XIRP2: variants seen among roughly 807,000 people sequenced by gnomAD.
XIRP2 encodes the protein xin actin-binding repeat-containing protein 2.
XIRP2 carries 236 observed loss-of-function variants against 277.0 expected under a neutral mutation model. The ratio of observed to expected loss-of-function variants is 0.85; its 90% CI spans 0.77 to 0.95. The LOEUF (loss-of-function observed/expected upper bound fraction) is 0.95. Among genes scored for constraint, XIRP2 ranks in the 40% least tolerant of loss-of-function variants. The pLI is 0.00. For synonymous variants in XIRP2, 1,490 were observed against 1,416.5 expected (o/e 1.05, Z -1.17); for missense variants, 4,640 against 4,157.5 (o/e 1.12, Z -3.19).
At chr2:167,040,732 G>C (rs902416033) in intron 2 of XIRP2, among the ~76,000 whole-genome samples, 6 of 152,132 alleles carry the variant, frequency 3.9e-5, no homozygotes, top group Non-Finnish European at 8.8e-5. Context: ...CAGGGTCCCT[G>C]TCTGGCTATG....
chr2:167,053,651 C>T (rs961910284), intron 2 of XIRP2, among the ~76,000 whole-genome samples: 3 of 152,026 alleles, frequency 2.0e-5, no homozygotes, highest in African/African-American at 7.2e-5. Context: ...AAAATTCTTC[C>T]TTATTTCATT....
chr2:167,142,504 T>C (rs1400288059), intron 3 of XIRP2, among the ~76,000 whole-genome samples: 1 of 151,674 alleles, frequency 6.6e-6, no homozygotes, highest in East Asian at 1.9e-4. Flanking sequence ...GCTGAGATCA[T>C]GCCACTGCAC....
chr2:167,159,659 T>C (rs569015782), intron 3 of XIRP2, among the ~76,000 whole-genome samples: 7 of 151,932 alleles, frequency 4.6e-5, no homozygotes, highest in Non-Finnish European at 1.0e-4. Flanking sequence ...AACATGCCTG[T>C]ATCTATATTT....
In XIRP2 at chr2:167,251,322, G is replaced by C. The variant is rs1029090767; in HGVS notation, c.9930G>C (p.Gln3310His). 11 of 1,613,414 alleles carry C rather than the reference G, an allele frequency of 6.8e-6. No homozygotes were observed. Among genetic ancestry groups the C allele is most frequent in the African/African-American group, 4.0e-5 (3 of 74,846 alleles). The change falls in exon 9 of 11, where the codon CAG becomes CAC. Residue 3310 changes from glutamine to histidine, a missense_variant. Coordinates refer to ENST00000409195, the MANE Select transcript of XIRP2 (RefSeq NM_152381.6). ...CTCCTCGCCTGTCAGAGCACACACAGAGATATGAAGCGGCCAACCGAACTG... is the reference window on the plus strand; with the variant it reads ...CTCCTCGCCTGTCAGAGCACACACACAGATATGAAGCGGCCAACCGAACTG... ...AVPPRLSEHT[Q>H]RYEAANRTVQ...
Position 167,243,236 on chromosome 2 carries a change from A to C in XIRP2, c.1844A>C (p.Lys615Thr), listed in dbSNP as rs1236509577. ...GAAATCATTGCTGGTGGTGATGTGA[A>C]ATATACCACATGGATGTTTGAAACC... ...DQEIIAGGDV[K>T]YTTWMFETQP... The change falls in exon 9 of 11, where the codon AAA becomes ACA. Residue 615 changes from lysine to threonine, a missense_variant. By Grantham distance (78) the Lys-to-Thr change is moderately conservative (BLOSUM62 -1). Coordinates refer to ENST00000409195, the MANE Select transcript of XIRP2 (RefSeq NM_152381.6). The C allele has an allele frequency of 6.2e-7, 1 of 1,614,046 alleles. No individual in the cohort carries two copies. Among genetic ancestry groups the C allele is most frequent in the Non-Finnish European group, 8.5e-7 (1 of 1,179,964 alleles).
At chr2:166,965,331 T>G (rs1182283119) in intron 2 of XIRP2, among the ~76,000 whole-genome samples, 2 of 151,894 alleles carry the variant, frequency 1.3e-5, no homozygotes, top group Non-Finnish European at 1.5e-5. Context: ...TTTGAATCAG[T>G]CCTTACTTTC....
At chr2:167,133,284 G>T (rs1691439425) in intron 2 of XIRP2, among the ~76,000 whole-genome samples, 1 of 152,160 alleles carries the variant, frequency 6.6e-6, no homozygotes, top group African/African-American at 2.4e-5. Flanking sequence ...TGCTTTGATT[G>T]GAGACAGCTC....
chr2:167,160,330 G>A (rs993227807), intron 3 of XIRP2, among the ~76,000 whole-genome samples: 6 of 152,188 alleles, frequency 3.9e-5, no homozygotes, highest in African/African-American at 9.7e-5. Flanking sequence ...TTCTATGGAT[G>A]TGCATGCACA....
intron 6 of XIRP2, among the ~76,000 whole-genome samples, chr2:167,240,238 C>T (rs1444629033): frequency 6.6e-6 from 1 of 151,826 alleles, no homozygotes; most frequent in Non-Finnish European, 1.5e-5. Context: ...ATAGTGAAAC[C>T]CTGTCTCTAC....
chr2:166,997,283 T>C (rs1026697946), intron 2 of XIRP2, among the ~76,000 whole-genome samples: 6 of 152,244 alleles, frequency 3.9e-5, no homozygotes, highest in Admixed American at 3.9e-4. Flanking sequence ...ATGAACCTTA[T>C]AGGCATTTTT....
chr2:166,903,363 A>G, intron 1 of XIRP2, 102 bp from the exon 2 acceptor site: 1 of 1,210,838 alleles, frequency 8.3e-7, no homozygotes, highest in Non-Finnish European at 1.1e-6. Flanking sequence ...TTTCTTTACT[A>G]AGACCCAAAC....
At chr2:167,151,729 G>T (rs1215987413) in intron 3 of XIRP2, among the ~76,000 whole-genome samples, 1 of 152,060 alleles carries the variant, frequency 6.6e-6, no homozygotes, top group Non-Finnish European at 1.5e-5. Context: ...TGTGGTTTCT[G>T]CCCATATAGG....
chr2:166,895,628 T>A (rs1000552655), intron 1 of XIRP2, among the ~76,000 whole-genome samples: 1 of 152,218 alleles, frequency 6.6e-6, no homozygotes, highest in African/African-American at 2.4e-5. Context: ...TCCCTTTGGA[T>A]ATTCATTTCA....
chr2:166,955,748 G>T (rs1686145367), intron 2 of XIRP2, among the ~76,000 whole-genome samples: 1 of 151,212 alleles, frequency 6.6e-6, no homozygotes, highest in Non-Finnish European at 1.5e-5. Flanking sequence ...CATACTTTGT[G>T]CTTCGAATAT....
chr2:167,200,611 C>A (rs1343694710), intron 3 of XIRP2, among the ~76,000 whole-genome samples: 1 of 152,200 alleles, frequency 6.6e-6, no homozygotes, highest in Non-Finnish European at 1.5e-5. Context: ...CATATACATT[C>A]ATAAAACCTG....
intron 2 of XIRP2, among the ~76,000 whole-genome samples, chr2:167,056,325 C>A (rs1317549998): frequency 6.6e-6 from 1 of 152,056 alleles, no homozygotes; most frequent in Non-Finnish European, 1.5e-5. Flanking sequence ...TTTACAGATA[C>A]ATTTCTGCTG....
At chr2:166,901,544 TC>T (rs1684387906) in intron 1 of XIRP2, among the ~76,000 whole-genome samples, 1 of 152,074 alleles carries the variant, frequency 6.6e-6, no homozygotes. Context: ...CTCTCAGCTT[TC>T]CCTTTCCAAC....
intron 3 of XIRP2, among the ~76,000 whole-genome samples, chr2:167,143,069 C>G (rs896279332): frequency 6.6e-6 from 1 of 152,156 alleles, no homozygotes; most frequent in East Asian, 1.9e-4. Context: ...AATTCAGTTA[C>G]TCATGAATTC....
At chr2:167,006,346 G>A (rs1182175327) in intron 2 of XIRP2, among the ~76,000 whole-genome samples, 1 of 151,718 alleles carries the variant, frequency 6.6e-6, no homozygotes, top group Non-Finnish European at 1.5e-5. Flanking sequence ...AATGTAATGT[G>A]TAGAGGATCC....
Sources: gnomAD v4.1 joint callset for allele counts (sites outside exome capture counted in the v4.1 genomes callset) on GRCh38, gnomAD v4.1.1 for gene constraint, MANE v1.5 for transcripts, NCBI Gene and HGNC (gene_info 2026-07-23, HGNC 2026-07-21) for gene names.